ZNF775: variants seen among roughly 807,000 people sequenced by gnomAD.
The protein encoded by ZNF775 is zinc finger protein 775.
In ZNF775, 1 loss-of-function variant was observed where a neutral mutation model predicts 2.4. The observed-to-expected ratio is 0.41, with a 90% CI of 0.15 to 1.94. The LOEUF (loss-of-function observed/expected upper bound fraction) is 1.94, where lower values mean the gene tolerates loss of function less well. ZNF775 is among the 30% of genes most tolerant of loss of function. The pLI is 0.30. For missense variants in ZNF775, 823 were observed against 826.6 expected, an observed-to-expected ratio of 1.00 and a Z score of 0.05; for synonymous variants, 381 against 373.3, an observed-to-expected ratio of 1.02 and a Z score of -0.24.
At position 150,396,599 on chromosome 7, in the gene ZNF775, G is replaced by C; in HGVS notation, c.118G>C (p.Asp40His). Residue 40 changes from aspartate to histidine, a missense_variant, in exon 3 of 3, where the codon GAC (aspartate) becomes CAC (histidine). Asp to His is a moderately conservative substitution (Grantham distance 81). Transcript: ENST00000329630. ...LAPQAMLVEK[D>H]KENIFQQHRG... Reference sequence around the variant, plus strand: ...GCCGCAGGCCATGCTTGTGGAGAAGGACAAGGAGAACATATTTCAGCAGCA... The same window carrying C: ...GCCGCAGGCCATGCTTGTGGAGAAGCACAAGGAGAACATATTTCAGCAGCA... 6.2e-7 allele frequency: 1 copy of C among 1,610,796 alleles called. No individual in the cohort carries two copies. The highest frequency in any genetic ancestry group is 1.1e-5 in the South Asian group (1 of 90,568).
intron 2 of ZNF775, among the ~76,000 whole-genome samples, chr7:150,389,859 TTGTGTGTGTGTGTGTGTGTGTGTGTG>T (rs71196708): frequency 8.6e-5 from 12 of 138,874 alleles, no homozygotes; most frequent in East Asian, 4.4e-4. Context: ...TAATTTTTAT[TTGTGTGTGTGTGTGTGTGTGTGTGTG>T]TGTGTGTGTG....
chr7:150,380,083 C>T (rs765610860), intron 1 of ZNF775: 2 of 152,212 alleles, frequency 1.3e-5, no homozygotes, highest in African/African-American at 2.4e-5. Context: ...CCTCCTTCGG[C>T]CCTTTGAGCA....
chr7:150,382,288 C>T lies in ZNF775; in HGVS notation c.-50+2896C>T, dbSNP rs975264047. ...CAGAGAGGCTTGTACAGATACTGCC[C>T]GATGCATCCGGCTCAGGCTTGCCGC... is the stretch of plus-strand genomic sequence containing the variant. On this transcript the variant is annotated intron_variant, in intron 1 of 2. Coordinates refer to ENST00000329630, the MANE Select transcript of ZNF775 (RefSeq NM_173680.4). This position sits in a 1 kb window ranked among gnomAD's most constrained non-coding sequence, Gnocchi z 4.6. Among the ~76,000 whole-genome samples the T allele has an allele frequency of 6.6e-6, 1 of 152,114 alleles. No homozygotes were observed. Among genetic ancestry groups the T allele is most frequent in the Non-Finnish European group, 1.5e-5 (1 of 68,016 alleles).
At chr7:150,387,313 A>AG (rs397889665) in intron 1 of ZNF775, among the ~76,000 whole-genome samples, 1 of 149,650 alleles carries the variant, frequency 6.7e-6, no homozygotes, top group Non-Finnish European at 1.5e-5. Flanking sequence ...AAAAAAAAAA[A>AG]GAAGCACAAG....
chr7:150,397,766 C>T lies in ZNF775; in HGVS notation c.1285C>T (p.Leu429=). Residue 429 remains leucine (L), a synonymous_variant, in exon 3 of 3, where the codon CTG becomes TTG. Coordinates refer to ENST00000329630, the MANE Select transcript of ZNF775 (RefSeq NM_173680.4). ...SQRSPGARDT[L]WGRGQAGLAG... is the part of the protein sequence containing the mutation. ...ACGGTCCCCGGGGGCCCGGGACACG[C>T]TGTGGGGCCGGGGACAAGCGGGCCT... 6.6e-7 allele frequency: 1 copy of T among 1,524,294 alleles called. No individual in the cohort carries two copies. The highest frequency in any genetic ancestry group is 8.8e-7 in the Non-Finnish European group (1 of 1,140,234). 94.4% of individuals were successfully genotyped at this position (1,524,294 alleles called of 1,614,324 possible). A position where few individuals can be genotyped will look rare whatever the true frequency, so the allele number is the denominator to read the frequency against.
Position 150,397,474 on chromosome 7 carries a change from C to G in ZNF775, c.993C>G (p.His331Gln), listed in dbSNP as rs1278073398. ...ACTTGACGCGGCACCTGCGCAACCACACAGGCGAGCGCCCGCACCCCTGCC... is the reference window on the plus strand; with the variant it reads ...ACTTGACGCGGCACCTGCGCAACCAGACAGGCGAGCGCCCGCACCCCTGCC... ...KPNLTRHLRNHTGERPHPCPH... is the reference protein window; with the variant it reads ...KPNLTRHLRNQTGERPHPCPH... The change falls in exon 3 of 3, where the codon CAC (histidine) becomes CAG (glutamine). Residue 331 changes from histidine to glutamine, a missense_variant. Coordinates refer to ENST00000329630, the MANE Select transcript of ZNF775 (RefSeq NM_173680.4). 6.3e-7 allele frequency: 1 copy of G among 1,591,084 alleles called. No individual in the cohort carries two copies. Among genetic ancestry groups the G allele is most frequent in the Non-Finnish European group, 8.5e-7 (1 of 1,174,530 alleles).
At position 150,387,999 on chromosome 7, in the gene ZNF775, C is replaced by A. The variant is rs140282868; in HGVS notation, c.-49-423C>A. Among the ~76,000 whole-genome samples the A allele has an allele frequency of 3.8e-3, 573 of 152,112 alleles. 4 individuals carry two copies. The highest frequency in any genetic ancestry group is 0.013 in the African/African-American group (550 of 41,476). On this transcript the variant is annotated intron_variant, in intron 1 of 2. Transcript: ENST00000329630. ...AAACGTGTAGGGCCATTCTGCCTTC[C>A]GGGTGCATTCCTCATGGCCAGTCGC...
intron 1 of ZNF775, among the ~76,000 whole-genome samples, chr7:150,386,771 A>T (rs1320148866): frequency 5.9e-5 from 9 of 152,178 alleles, no homozygotes; most frequent in Admixed American, 1.3e-4. Flanking sequence ...CGAGGAGGAG[A>T]TGAGTCTTCA....
chr7:150,388,354 C>T (rs1215039902), intron 1 of ZNF775, 68 bp from the exon 2 acceptor site: 5 of 1,258,028 alleles, frequency 4.0e-6, no homozygotes, highest in Non-Finnish European at 5.6e-6. Context: ...GGGAGGGGGG[C>T]TGGGGACCCT....
At chr7:150,385,667 T>A (rs1414367945) in intron 1 of ZNF775, among the ~76,000 whole-genome samples, 4 of 152,254 alleles carry the variant, frequency 2.6e-5, no homozygotes, top group African/African-American at 9.6e-5. Context: ...GCAAGAGGAC[T>A]GGACATTACC....
chr7:150,394,676 C>T (rs1335753003), intron 2 of ZNF775, among the ~76,000 whole-genome samples: 1 of 146,896 alleles, frequency 6.8e-6, no homozygotes, highest in Non-Finnish European at 1.5e-5. Flanking sequence ...TCCCTCCCCT[C>T]TTCCTCTTTC....
chr7:150,386,257 T>G (rs1457344212), intron 1 of ZNF775, among the ~76,000 whole-genome samples: 1 of 152,140 alleles, frequency 6.6e-6, no homozygotes, highest in African/African-American at 2.4e-5. Flanking sequence ...TTAAAAAGAT[T>G]TATTTCTACT....
chr7:150,388,593 G>T (rs2129621023), intron 2 of ZNF775, 92 bp downstream of exon 2: 2 of 1,446,658 alleles, frequency 1.4e-6, no homozygotes, highest in East Asian at 2.5e-5. Context: ...GCGAGCCAGT[G>T]CCCTCAGCCA....
At chr7:150,391,868 C>T (rs1274357083) in intron 2 of ZNF775, among the ~76,000 whole-genome samples, 1 of 151,938 alleles carries the variant, frequency 6.6e-6, no homozygotes, top group African/African-American at 2.4e-5. Context: ...CATGCTACCA[C>T]ACCCGGCTAA....
Position 150,384,736 on chromosome 7 carries a change from C to A in ZNF775, c.-49-3686C>A, listed in dbSNP as rs1168483606. On this transcript the variant is annotated intron_variant, in intron 1 of 2. Transcript: ENST00000329630. This position sits in a 1 kb window ranked among gnomAD's most constrained non-coding sequence, Gnocchi z 4.1. The stretch of plus-strand genomic sequence containing the variant: ...CTTACGTAAGCCACAGGCTGCTTCC[C>A]CTCGAGCCCTGGTATGGCCCGAGAC... 4.6e-5 allele frequency among the ~76,000 whole-genome samples: 7 copies of A among 152,222 alleles called. No individual in the cohort carries two copies. Among genetic ancestry groups the A allele is most frequent in the African/African-American group, 1.7e-4 (7 of 41,456 alleles).
chr7:150,392,545 ATCTCTC>A (rs56067146), intron 2 of ZNF775, among the ~76,000 whole-genome samples: 37,928 of 136,322 alleles, frequency 0.28, 5,444 homozygotes, highest in Non-Finnish European at 0.31. Flanking sequence ...TCCCAAATGG[ATCTCTC>A]TCTCTCTCTC....
intron 2 of ZNF775, among the ~76,000 whole-genome samples, chr7:150,391,183 G>A (rs1460804422): frequency 6.6e-6 from 1 of 152,198 alleles, no homozygotes; most frequent in Non-Finnish European, 1.5e-5. Flanking sequence ...TAGCCACATA[G>A]GACTCTTCTA....
intron 1 of ZNF775, among the ~76,000 whole-genome samples, 164 bp from the exon 2 acceptor site, chr7:150,388,258 T>G (rs1337377615): frequency 6.6e-6 from 1 of 152,176 alleles, no homozygotes; most frequent in Non-Finnish European, 1.5e-5. Flanking sequence ...TCTCAGCAGG[T>G]ATGCTTACAA....
At position 150,388,639 on chromosome 7, in the gene ZNF775, G is replaced by A. The variant is rs1585085834; in HGVS notation, c.31+138G>A. 4.0e-6 allele frequency: 4 copies of A among 993,228 alleles called. No homozygotes were observed. The African/African-American group carries it at 6.5e-5, about 16-fold the overall frequency. The allele number at this position is 993,228 out of a possible 1,614,324, so 61.5% of individuals were successfully genotyped here. ...CATCCCACTGATGCAGAATTTCAGG[G>A]TGGGGACCAGGACTTAGACAGCCAT... On this transcript the variant is annotated intron_variant, in intron 2 of 2. Coordinates refer to ENST00000329630, the MANE Select transcript of ZNF775 (RefSeq NM_173680.4).
Sources: gnomAD v4.1 joint callset for allele counts (sites outside exome capture counted in the v4.1 genomes callset) on GRCh38, gnomAD v4.1.1 for gene constraint, Gnocchi (gnomAD v3.1) non-coding constraint, MANE v1.5 for transcripts, NCBI Gene and HGNC (gene_info 2026-07-23, HGNC 2026-07-21) for gene names.